SCN10A: variants seen among roughly 807,000 people sequenced by gnomAD.
SCN10A encodes the protein sodium voltage-gated channel alpha subunit 10.
SCN10A carries 162 observed loss-of-function variants against 170.7 expected under a neutral mutation model. The ratio of observed to expected loss-of-function variants is 0.95; its 90% CI spans 0.84 to 1.08. The LOEUF is 1.08. Ranked by LOEUF, SCN10A falls within the 50% of genes least tolerant of loss-of-function variation. The pLI, the probability that SCN10A is intolerant of heterozygous loss-of-function variation, is 0.00. For synonymous variants in SCN10A, 985 were observed against 904.6 expected (o/e 1.09, Z -1.59); for missense variants, 2,527 against 2,436.9 (o/e 1.04, Z -0.78).
intron 4 of SCN10A, among the ~76,000 whole-genome samples, chr3:38,784,046 G>T (rs530977123): frequency 5.9e-5 from 9 of 152,138 alleles, no homozygotes; most frequent in Admixed American, 6.6e-5. Flanking sequence ...TTTACAAGTG[G>T]TTGTTCTGAC....
rs768258614 is a variant in SCN10A at position 38,797,097 on chromosome 3, T to A, written c.-32-3055A>T. Among the ~76,000 whole-genome samples the A allele has an allele frequency of 4.9e-4, 74 of 152,136 alleles. 2 individuals are homozygous for A. The highest frequency in any genetic ancestry group is 2.1e-4 in the Non-Finnish European group (14 of 67,986). ...AAAGAGATTATTGAGTCTATTGACA[T>A]TTTAAAGCTCACACACCCCAAAGTC... On this transcript the variant is annotated intron_variant, in intron 1 of 27. Coordinates refer to ENST00000449082, the MANE Select transcript of SCN10A (RefSeq NM_006514.4).
At chr3:38,722,555 G>T in intron 19 of SCN10A, 143 bp from the exon 20 acceptor site, 14 of 882,682 alleles carry the variant, frequency 1.6e-5, no homozygotes, top group Non-Finnish European at 2.4e-5. Flanking sequence ...TATGGGTGAA[G>T]AGGGGTCCCT....
chr3:38,726,714 C>T lies in SCN10A; in HGVS notation c.2979G>A (p.Val993=), dbSNP rs1052388906. The change falls in exon 17 of 28, where the codon GTG becomes GTA. Residue 993 remains valine (V), a synonymous_variant. Transcript: ENST00000449082. ...EHSDFIANPT[V]WVSVPIAEGE... ...CCTCAGCAATGGGCACAGAGACCCA[C>T]ACAGTCGGATTAGCGATGAAGTCAC... 2.5e-6 allele frequency: 4 copies of T among 1,612,860 alleles called. No individual in the cohort carries two copies. Among genetic ancestry groups the T allele is most frequent in the African/African-American group, 2.7e-5 (2 of 74,900 alleles).
At chr3:38,777,858 G>A (rs1255578149) in intron 4 of SCN10A, among the ~76,000 whole-genome samples, 1 of 152,028 alleles carries the variant, frequency 6.6e-6, no homozygotes, top group African/African-American at 2.4e-5. Context: ...AATCCATATG[G>A]AAAAATATTG....
At chr3:38,700,286 G>A (rs1187727938) in intron 27 of SCN10A, among the ~76,000 whole-genome samples, 1 of 152,060 alleles carries the variant, frequency 6.6e-6, no homozygotes, top group Non-Finnish European at 1.5e-5. Flanking sequence ...GGAGCTGGGA[G>A]GAGGGGAAAT....
In SCN10A at chr3:38,698,363, G is replaced by C; in HGVS notation, c.4857C>G (p.Phe1619Leu). Residue 1619 changes from phenylalanine to leucine, a missense_variant, in exon 28 of 28, where the codon TTC becomes TTG. Physicochemically the swap from Phe to Leu is conservative, Grantham distance 22. Coordinates refer to ENST00000449082, the MANE Select transcript of SCN10A (RefSeq NM_006514.4). ...TGGACATACCGAAGATAGAGTAGAT[G>C]AACATGACAAGGAATAGCAACAGCC... ...NIGLLLFLVMFIYSIFGMSSF... is the reference protein window; with the variant it reads ...NIGLLLFLVMLIYSIFGMSSF... The C allele has an allele frequency of 6.2e-7, 1 of 1,614,190 alleles. No homozygotes were observed. Among genetic ancestry groups the C allele is most frequent in the African/African-American group, 1.3e-5 (1 of 75,044 alleles).
chr3:38,704,732 G>A (rs1439958525), intron 26 of SCN10A, among the ~76,000 whole-genome samples: 1 of 152,170 alleles, frequency 6.6e-6, no homozygotes, highest in Non-Finnish European at 1.5e-5. Flanking sequence ...ATCATCAGAG[G>A]TGAGAGGAGG....
chr3:38,791,357 C>A (rs1170397436), intron 3 of SCN10A, among the ~76,000 whole-genome samples: 1 of 152,208 alleles, frequency 6.6e-6, no homozygotes, highest in Non-Finnish European at 1.5e-5. Context: ...CCCCTGAAAG[C>A]AGCTTCTGAC....
intron 14 of SCN10A, among the ~76,000 whole-genome samples, chr3:38,741,776 G>A (rs2063634982): frequency 6.6e-6 from 1 of 152,134 alleles, no homozygotes; most frequent in African/African-American, 2.4e-5. Context: ...CAGCAACCTT[G>A]TTTCCATGTT....
In SCN10A at chr3:38,735,843, C is replaced by T. The variant is rs183561912; in HGVS notation, c.2280+3672G>A. Among the ~76,000 whole-genome samples, 8 of 152,354 alleles carry T rather than the reference C, an allele frequency of 5.3e-5. No homozygotes were observed. In the East Asian group the frequency reaches 1.4e-3, roughly 26 times the overall value. On this transcript the variant is annotated intron_variant, in intron 15 of 27. Coordinates refer to ENST00000449082, the MANE Select transcript of SCN10A (RefSeq NM_006514.4). Reference sequence around the variant, plus strand: ...TCCACCTTCCTCTCTTTCTTTCCTTCCTTCAATCAATCAACAGGTGTTTAT... The same window carrying T: ...TCCACCTTCCTCTCTTTCTTTCCTTTCTTCAATCAATCAACAGGTGTTTAT...
intron 1 of SCN10A, among the ~76,000 whole-genome samples, chr3:38,814,766 TTTTA>T (rs1360261987): frequency 2.0e-5 from 3 of 152,226 alleles, no homozygotes; most frequent in African/African-American, 7.2e-5. Context: ...GGAAATTACT[TTTTA>T]AGGCCACTCT....
At chr3:38,727,781 T>G (rs902319697) in intron 16 of SCN10A, among the ~76,000 whole-genome samples, 1 of 152,090 alleles carries the variant, frequency 6.6e-6, no homozygotes, top group African/African-American at 2.4e-5. Flanking sequence ...ACACAACCAG[T>G]CAGTCCCAGG....
chr3:38,717,352 A>C (rs2063343774), intron 21 of SCN10A, among the ~76,000 whole-genome samples: 1 of 152,260 alleles, frequency 6.6e-6, no homozygotes, highest in Admixed American at 6.5e-5. Flanking sequence ...AGGAAGATGG[A>C]TGAAATGAGT....
intron 26 of SCN10A, 44 bp from the exon 27 acceptor site, chr3:38,702,153 A>G (rs1315493372): frequency 6.6e-7 from 1 of 1,516,700 alleles, no homozygotes; most frequent in South Asian, 1.3e-5. Flanking sequence ...TTGGGCCAGC[A>G]CAAACCAGGC....
rs749420331 is a variant in SCN10A at position 38,697,368 on chromosome 3, A to G, written c.5852T>C (p.Leu1951Pro). Residue 1951 changes from leucine (L) to proline (P), a missense_variant, in exon 28 of 28, where the codon CTG becomes CCG. Leu to Pro is a moderately conservative substitution (Grantham distance 98). Coordinates refer to ENST00000449082, the MANE Select transcript of SCN10A (RefSeq NM_006514.4). ...TTCTCACTAGGGCCCAGGGGCAATC[A>G]GCTCCATACTGGTGGCTTCATCTTC... ...QNEDEATSMELIAPGP is the reference protein window; with the variant it reads ...QNEDEATSMEPIAPGP 1 of 1,613,886 alleles carries G rather than the reference A, an allele frequency of 6.2e-7. No individual in the cohort carries two copies.
chr3:38,713,272 G>GT (rs2063295580), intron 22 of SCN10A, among the ~76,000 whole-genome samples: 1 of 152,220 alleles, frequency 6.6e-6, no homozygotes. Context: ...AAGCATTCCA[G>GT]TGGGTGGCAG....
At chr3:38,782,004 T>C (rs2064144483) in intron 4 of SCN10A, among the ~76,000 whole-genome samples, 1 of 152,112 alleles carries the variant, frequency 6.6e-6, no homozygotes, top group African/African-American at 2.4e-5. Flanking sequence ...TACATTGTCC[T>C]TAGTGTACTA....
In SCN10A at chr3:38,748,240, A is replaced by T. The variant is rs2063712871; in HGVS notation, c.1867+1833T>A. Reference sequence around the variant, plus strand: ...AATTGTGGGAATAGCAGCTTGGTCAAATTCTATGCCATGAAAAATGTTAGA... The same window carrying T: ...AATTGTGGGAATAGCAGCTTGGTCATATTCTATGCCATGAAAAATGTTAGA... On this transcript the variant is annotated intron_variant, in intron 13 of 27. Transcript: ENST00000449082. Among the ~76,000 whole-genome samples the T allele has an allele frequency of 1.3e-5, 2 of 152,212 alleles. 1 individual carries two copies. The highest frequency in any genetic ancestry group is 4.1e-4 in the South Asian group (2 of 4,820).
chr3:38,808,910 C>A (rs909028031), intron 1 of SCN10A, among the ~76,000 whole-genome samples: 2 of 152,194 alleles, frequency 1.3e-5, no homozygotes, highest in South Asian at 4.2e-4. Flanking sequence ...GTTAGGTAGC[C>A]CTGGATGTTC....
Sources: allele counts gnomAD v4.1 joint callset (sites outside exome capture counted in the v4.1 genomes callset), GRCh38; gene constraint gnomAD v4.1.1; transcripts MANE v1.5; gene names NCBI Gene and HGNC (gene_info 2026-07-23, HGNC 2026-07-21).